The following CNGB3 variants were observed in gnomAD, a reference collection of about 807,000 sequenced individuals.
The protein encoded by CNGB3 is cyclic nucleotide gated channel subunit beta 3.
Under a neutral mutation model 92.8 loss-of-function variants are expected in CNGB3, and 86 were observed. The ratio of observed to expected loss-of-function variants is 0.93; its 90% confidence interval spans 0.78 to 1.11. The LOEUF (loss-of-function observed/expected upper bound fraction) is 1.11, where lower values mean the gene tolerates loss of function less well. Among genes scored for constraint, CNGB3 ranks in the 50% least tolerant of loss-of-function variants. The pLI is 0.00. For missense variants in CNGB3, 1,026 were observed against 956.8 expected (o/e 1.07, Z -0.95); for synonymous variants, 333 against 332.7 (o/e 1.00, Z -0.01).
intron 10 of CNGB3, among the ~76,000 whole-genome samples, chr8:86,635,446 A>T (rs1310959553): frequency 6.6e-6 from 1 of 152,096 alleles, no homozygotes; most frequent in Non-Finnish European, 1.5e-5. Flanking sequence ...TTATGATTTT[A>T]AAAAATAACA....
intron 2 of CNGB3, among the ~76,000 whole-genome samples, chr8:86,731,955 C>T (rs56832866): frequency 0.056 from 8,536 of 152,128 alleles, 799 homozygotes; most frequent in African/African-American, 0.19. Context: ...ACCAGAAAAT[C>T]GTAATGCAAT....
chr8:86,734,047 G>T (rs930589066), intron 2 of CNGB3, among the ~76,000 whole-genome samples: 1 of 151,940 alleles, frequency 6.6e-6, no homozygotes, highest in Non-Finnish European at 1.5e-5. Context: ...AAAAAAATTT[G>T]GGGGGATAGA....
At chr8:86,601,915 G>C (rs1822311598) in intron 15 of CNGB3, among the ~76,000 whole-genome samples, 1 of 152,186 alleles carries the variant, frequency 6.6e-6, no homozygotes, top group African/African-American at 2.4e-5. Context: ...ATTTATTTGA[G>C]AAGCTGCTGT....
At chr8:86,588,979 T>G (rs1433387348) in intron 15 of CNGB3, among the ~76,000 whole-genome samples, 1 of 152,206 alleles carries the variant, frequency 6.6e-6, no homozygotes, top group Non-Finnish European at 1.5e-5. Context: ...GGACTCTTTT[T>G]GGTTGTTAAG....
intron 3 of CNGB3, among the ~76,000 whole-genome samples, chr8:86,715,488 G>GA (rs2131662674): frequency 6.6e-6 from 1 of 152,176 alleles, no homozygotes; most frequent in South Asian, 2.1e-4. Flanking sequence ...CATCCCTAGG[G>GA]AAAGGGGGAA....
chr8:86,637,411 C>T (rs549186373), intron 10 of CNGB3, among the ~76,000 whole-genome samples: 1 of 152,136 alleles, frequency 6.6e-6, no homozygotes, highest in South Asian at 2.1e-4. Flanking sequence ...TGGCTTTGTC[C>T]TTTTTGCTCA....
intron 3 of CNGB3, among the ~76,000 whole-genome samples, chr8:86,706,718 A>T (rs751777487): frequency 3.3e-5 from 5 of 152,222 alleles, no homozygotes; most frequent in Non-Finnish European, 5.9e-5. Context: ...CACTTAGTGC[A>T]ATCAATCCCT....
intron 3 of CNGB3, among the ~76,000 whole-genome samples, chr8:86,697,469 TA>T (rs1436340305): frequency 2.6e-5 from 4 of 152,162 alleles, no homozygotes; most frequent in Admixed American, 1.3e-4. Flanking sequence ...GTTCATTTAT[TA>T]AAATTCAGTG....
intron 6 of CNGB3, among the ~76,000 whole-genome samples, chr8:86,662,569 A>G (rs1823662625): frequency 6.6e-6 from 1 of 152,204 alleles, no homozygotes; most frequent in South Asian, 2.1e-4. Flanking sequence ...TAGGTTTATG[A>G]GGTGGGTACT....
intron 3 of CNGB3, among the ~76,000 whole-genome samples, chr8:86,717,578 A>G (rs1824882133): frequency 6.6e-6 from 1 of 151,524 alleles, no homozygotes; most frequent in African/African-American, 2.4e-5. Context: ...AAAAAAAAAA[A>G]AAATCGAGGA....
chr8:86,729,378 A>T (rs1825121484), intron 2 of CNGB3, among the ~76,000 whole-genome samples: 1 of 152,210 alleles, frequency 6.6e-6, no homozygotes, highest in Non-Finnish European at 1.5e-5. Context: ...ATTTTTGTTT[A>T]TCACCATAAC....
At chr8:86,615,408 G>T (rs1822599646) in intron 13 of CNGB3, among the ~76,000 whole-genome samples, 1 of 152,062 alleles carries the variant, frequency 6.6e-6, no homozygotes, top group Admixed American at 6.5e-5. Context: ...TTTGAGACCA[G>T]CTTGGCCAAC....
intron 3 of CNGB3, among the ~76,000 whole-genome samples, chr8:86,718,028 C>T (rs1445886997): frequency 2.0e-5 from 3 of 151,606 alleles, no homozygotes; most frequent in Non-Finnish European, 4.4e-5. Flanking sequence ...CGAAGAGCAA[C>T]ATTCATAGCA....
intron 3 of CNGB3, among the ~76,000 whole-genome samples, chr8:86,724,724 G>A (rs1056349208): frequency 5.3e-5 from 8 of 152,104 alleles, no homozygotes; most frequent in African/African-American, 1.9e-4. Flanking sequence ...TACAAAGGAA[G>A]TATTGGTCAT....
At chr8:86,659,870 T>C in intron 6 of CNGB3, 1 of 428,024 alleles carries the variant, frequency 2.3e-6, no homozygotes, top group South Asian at 1.9e-5. Context: ...GGTTAGCAGA[T>C]GATGCAGGGC....
chr8:86,739,393 A>T (rs1368234024), intron 2 of CNGB3, among the ~76,000 whole-genome samples: 1 of 152,132 alleles, frequency 6.6e-6, no homozygotes, highest in African/African-American at 2.4e-5. Context: ...GACTCTGCCC[A>T]TGTTGCTCAT....
At chr8:86,627,821 G>A (rs909699446) in intron 12 of CNGB3, among the ~76,000 whole-genome samples, 2 of 152,086 alleles carry the variant, frequency 1.3e-5, no homozygotes, top group African/African-American at 2.4e-5. Context: ...GTTGACCCTT[G>A]AACAACACGT....
chr8:86,722,498 C>T (rs192782528), intron 3 of CNGB3, among the ~76,000 whole-genome samples: 62 of 152,078 alleles, frequency 4.1e-4, no homozygotes, highest in Admixed American at 1.0e-3. Context: ...ATGGAGATGG[C>T]GTGATGATTA....
chr8:86,704,092 A>G (rs1056277329), intron 3 of CNGB3: 1 of 152,244 alleles, frequency 6.6e-6, no homozygotes, highest in African/African-American at 2.4e-5. Context: ...ACTGTTGGCC[A>G]GAAGCCTTAC....
Sources: gnomAD v4.1 joint callset for allele counts (sites outside exome capture counted in the v4.1 genomes callset) on GRCh38, gnomAD v4.1.1 for gene constraint, MANE v1.5 for transcripts, NCBI Gene and HGNC (gene_info 2026-07-23, HGNC 2026-07-21) for gene names.